The following ABCB9 variants were observed in gnomAD, a reference collection of about 807,000 sequenced individuals.
ABCB9 encodes the protein ABC-type oligopeptide transporter ABCB9.
ABCB9 carries 36 observed loss-of-function variants against 62.0 expected under a neutral mutation model. That is an observed-to-expected ratio of 0.58 (90% confidence interval 0.45 to 0.77). The LOEUF (loss-of-function observed/expected upper bound fraction) is 0.77. Among genes scored for constraint, ABCB9 ranks in the 30% least tolerant of loss-of-function variants. The pLI, the probability that ABCB9 is intolerant of heterozygous loss-of-function variation, is 0.00. For missense variants in ABCB9, 943 were observed against 1,054.7 expected (o/e 0.89, Z 1.47); for synonymous variants, 435 against 461.4 (o/e 0.94, Z 0.73).
chr12:122,950,753 G>T, intron 2 of ABCB9, 188 bp from the exon 3 acceptor site: 1 of 554,858 alleles, frequency 1.8e-6, no homozygotes, highest in Non-Finnish European at 3.3e-6. Flanking sequence ...TCAGAGAACA[G>T]GGGAGCACTG....
At chr12:122,941,992 G>A (rs369661516) in intron 7 of ABCB9, among the ~76,000 whole-genome samples, 2 of 152,208 alleles carry the variant, frequency 1.3e-5, no homozygotes, top group East Asian at 3.9e-4. Flanking sequence ...GCCTCCCAAA[G>A]TGCTGGGATT....
At chr12:122,973,263 C>G (rs1241427895) in intron 1 of ABCB9, 1 of 152,288 alleles carries the variant, frequency 6.6e-6, no homozygotes, top group Non-Finnish European at 1.5e-5. Context: ...GGCGAAATCC[C>G]GTTTCTACTA....
chr12:122,924,627 T>G, downstream of ABCB9: 1 of 1,449,354 alleles, frequency 6.9e-7, no homozygotes, highest in Non-Finnish European at 9.1e-7. Flanking sequence ...CAAACTCTAA[T>G]GTGGGAAAGA....
chr12:122,921,078 A>G, intron 11 of ABCB9: 1 of 1,534,716 alleles, frequency 6.5e-7, no homozygotes, highest in Non-Finnish European at 8.7e-7. Context: ...CTAAATGTCA[A>G]AGGAAACATT....
At chr12:122,950,875 C>T (rs959430901) in intron 2 of ABCB9, 12 of 299,834 alleles carry the variant, frequency 4.0e-5, no homozygotes, top group Admixed American at 1.3e-4. Flanking sequence ...GACAGGGTCT[C>T]GCTGTGTCCC....
At chr12:122,948,883 C>G (rs888321908) in intron 4 of ABCB9, 54 bp from the exon 5 acceptor site, 22 of 1,091,882 alleles carry the variant, frequency 2.0e-5, no homozygotes, top group South Asian at 1.0e-4. Context: ...TTGGGGGTGG[C>G]GGTGGGGGAT....
Position 122,947,254 on chromosome 12 carries a change from G to A in ABCB9, c.1054-1032C>T, listed in dbSNP as rs370861792. On this transcript the variant is annotated intron_variant, in intron 5 of 11. Transcript: ENST00000280560. This position sits in a 1 kb window ranked among gnomAD's most constrained non-coding sequence, Gnocchi z 6.0. Reference sequence around the variant, plus strand: ...GCAAGGGGTGGGGAGCAGCGTGCCAGAAATGGCTCAGACTCTAAAGAATAG... The same window carrying A: ...GCAAGGGGTGGGGAGCAGCGTGCCAAAAATGGCTCAGACTCTAAAGAATAG... Among the ~76,000 whole-genome samples, 1 of 152,326 alleles carries A rather than the reference G, an allele frequency of 6.6e-6. No homozygotes were observed. The highest frequency in any genetic ancestry group is 2.1e-4 in the South Asian group (1 of 4,828).
chr12:122,949,705 G>T, intron 4 of ABCB9, 83 bp downstream of exon 4: 2 of 1,553,150 alleles, frequency 1.3e-6, no homozygotes, highest in Non-Finnish European at 8.8e-7. Context: ...CCACCCACAC[G>T]CCCATTTCAT....
At position 122,959,705 on chromosome 12, in the gene ABCB9, C is replaced by A. The variant is rs1423303681; in HGVS notation, c.531G>T (p.Leu177=). 1 of 1,608,856 alleles carries A rather than the reference C, an allele frequency of 6.2e-7. No homozygotes were observed. Among genetic ancestry groups the A allele is most frequent in the Admixed American group, 1.7e-5 (1 of 59,876 alleles). ...EQASGATLQK[L]LSYTKPDVAF... is the part of the protein sequence containing the mutation. ...CCACGTCGGGCTTGGTGTAGGAGAG[C>A]AGCTTCTGCAGCGTGGCCCCAGACG... is the stretch of plus-strand genomic sequence containing the variant. The change falls in exon 2 of 12, where the codon CTG becomes CTT. Residue 177 remains leucine (L), a synonymous_variant. Transcript: ENST00000280560. The surrounding 1 kb of genome is among the most constrained non-coding windows in gnomAD (Gnocchi z 5.4).
chr12:122,957,882 C>G (rs982006996), intron 2 of ABCB9, among the ~76,000 whole-genome samples: 1 of 150,958 alleles, frequency 6.6e-6, no homozygotes, highest in Non-Finnish European at 1.5e-5. Context: ...GAATTATTGA[C>G]GTGCAGGTCG....
chr12:122,959,352 G>A lies in ABCB9; in HGVS notation c.601+283C>T, dbSNP rs989501795. 6.6e-6 allele frequency among the ~76,000 whole-genome samples: 1 copy of A among 151,454 alleles called. No homozygotes were observed. Among genetic ancestry groups the A allele is most frequent in the Non-Finnish European group, 1.5e-5 (1 of 67,898 alleles). On this transcript the variant is annotated intron_variant, in intron 2 of 11. Coordinates refer to ENST00000280560, the MANE Select transcript of ABCB9 (RefSeq NM_019625.4). The surrounding 1 kb of genome is among the most constrained non-coding windows in gnomAD (Gnocchi z 5.4). ...AGGTGACAGAGCAATACTATGTTTCGAAAAAATAAATAAATACAATAAATA... is the reference window on the plus strand; with the variant it reads ...AGGTGACAGAGCAATACTATGTTTCAAAAAAATAAATAAATACAATAAATA...
chr12:122,967,062 C>T (rs2037202037), upstream of ABCB9, among the ~76,000 whole-genome samples: 1 of 152,208 alleles, frequency 6.6e-6, no homozygotes, highest in Non-Finnish European at 1.5e-5. Flanking sequence ...GAAGGGAATA[C>T]ATTTTACGGA....
intron 1 of ABCB9, among the ~76,000 whole-genome samples, chr12:122,961,528 C>T (rs975173736): frequency 2.0e-5 from 3 of 152,134 alleles, no homozygotes; most frequent in Admixed American, 6.6e-5. Context: ...GAGAAGACCT[C>T]GCTGGGTAGG....
chr12:122,949,977 G>A (rs11060942), intron 3 of ABCB9, 59 bp from the exon 4 acceptor site: 51,359 of 1,605,144 alleles, frequency 0.032, 1,006 homozygotes, highest in South Asian at 0.049. Flanking sequence ...GACCACACCC[G>A]GCTGCCCCCT....
chr12:122,943,380 C>A (rs2035868534), intron 7 of ABCB9, among the ~76,000 whole-genome samples: 1 of 152,146 alleles, frequency 6.6e-6, no homozygotes, highest in East Asian at 1.9e-4. Context: ...GTGCGGAAAC[C>A]AAAATCAAGA....
At position 122,947,529 on chromosome 12, in the gene ABCB9, C is replaced by G. The variant is rs544082387; in HGVS notation, c.1053+1095G>C. ...CCAAGCCCCTGCTCTAGAAGTACCCCACGTGGGCCTGGGTGACTGTGAGGG... is the reference window on the plus strand; with the variant it reads ...CCAAGCCCCTGCTCTAGAAGTACCCGACGTGGGCCTGGGTGACTGTGAGGG... On this transcript the variant is annotated intron_variant, in intron 5 of 11. Coordinates refer to ENST00000280560, the MANE Select transcript of ABCB9 (RefSeq NM_019625.4). The surrounding 1 kb of genome is among the most constrained non-coding windows in gnomAD (Gnocchi z 6.0). 2 of 450,392 alleles carry G rather than the reference C, an allele frequency of 4.4e-6. No homozygotes were observed. Among genetic ancestry groups the G allele is most frequent in the Admixed American group, 2.4e-5 (1 of 42,198 alleles). 27.9% of individuals were successfully genotyped at this position (450,392 alleles called of 1,614,324 possible). A position where few individuals can be genotyped will look rare whatever the true frequency, so the allele number is the denominator to read the frequency against.
At chr12:122,961,944 T>C (rs2036927767) in intron 1 of ABCB9, among the ~76,000 whole-genome samples, 1 of 152,222 alleles carries the variant, frequency 6.6e-6, no homozygotes, top group Non-Finnish European at 1.5e-5. Context: ...CGTCAGGCCT[T>C]CTATCTCTGC....
chr12:122,959,401 G>C lies in ABCB9; in HGVS notation c.601+234C>G, dbSNP rs981934397. Among the ~76,000 whole-genome samples the C allele has an allele frequency of 1.2e-4, 18 of 151,840 alleles. No individual in the cohort carries two copies. Among genetic ancestry groups the C allele is most frequent in the Non-Finnish European group, 2.2e-4 (15 of 67,952 alleles). ...TAAATAAATAAATAAAATAGAAATGGGTTCTCGCTATGTTGCCCAGGCTGG... is the reference window on the plus strand; with the variant it reads ...TAAATAAATAAATAAAATAGAAATGCGTTCTCGCTATGTTGCCCAGGCTGG... On this transcript the variant is annotated intron_variant, in intron 2 of 11. Transcript: ENST00000280560. This position sits in a 1 kb window ranked among gnomAD's most constrained non-coding sequence, Gnocchi z 5.4.
Position 122,944,159 on chromosome 12 carries a change from C to G in ABCB9, c.1380+232G>C, listed in dbSNP as rs1441119961. Among the ~76,000 whole-genome samples, 1 of 152,084 alleles carries G rather than the reference C, an allele frequency of 6.6e-6. No individual in the cohort carries two copies. The highest frequency in any genetic ancestry group is 1.5e-5 in the Non-Finnish European group (1 of 68,020). On this transcript the variant is annotated intron_variant, in intron 7 of 11. Transcript: ENST00000280560. The surrounding 1 kb of genome is among the most constrained non-coding windows in gnomAD (Gnocchi z 4.9). The stretch of plus-strand genomic sequence containing the variant: ...GGCCAGGCTGGTCTCGAACTCCTGA[C>G]CTCAAGTGATCCACCCGCCTCCGCC...
Sources: allele counts gnomAD v4.1 joint callset (sites outside exome capture counted in the v4.1 genomes callset), GRCh38; gene constraint gnomAD v4.1.1; non-coding constraint Gnocchi (gnomAD v3.1); transcripts MANE v1.5; gene names NCBI Gene and HGNC (gene_info 2026-07-23, HGNC 2026-07-21).